Variants in CAMK1D observed in about 807,000 individuals in gnomAD.
CAMK1D encodes calcium/calmodulin-dependent protein kinase type 1D.
Under a neutral mutation model 47.7 loss-of-function variants are expected in CAMK1D, and 9 were observed. That is an observed-to-expected ratio of 0.19 (90% CI 0.11 to 0.33). CAMK1D has a LOEUF of 0.33. Among genes scored for constraint, CAMK1D ranks in the 10% least tolerant of loss-of-function variants. The probability of loss-of-function intolerance (pLI) is 1.00; values close to 1 mark genes in which losing one functional copy is unlikely to be tolerated. For missense variants in CAMK1D, 291 were observed against 488.7 expected, an observed-to-expected ratio of 0.60 and a Z score of 3.81; for synonymous variants, 184 against 184.9, an observed-to-expected ratio of 0.99 and a Z score of 0.04.
At chr10:12,642,182 G>T (rs1322428199) in intron 2 of CAMK1D, among the ~76,000 whole-genome samples, 1 of 152,194 alleles carries the variant, frequency 6.6e-6, no homozygotes, top group Non-Finnish European at 1.5e-5. Flanking sequence ...GTGAAATCGG[G>T]CTGCGTGATG....
chr10:12,731,523 C>G (rs530726218), intron 3 of CAMK1D, among the ~76,000 whole-genome samples: 1 of 152,172 alleles, frequency 6.6e-6, no homozygotes, highest in South Asian at 2.1e-4. Context: ...ATGTTTCCAC[C>G]TCATGTTCAG....
chr10:12,584,142 AAAG>A (rs1837745217), intron 2 of CAMK1D, among the ~76,000 whole-genome samples: 1 of 152,180 alleles, frequency 6.6e-6, no homozygotes. Context: ...GCAGATTCTT[AAAG>A]TGATGCCTGA....
At chr10:12,471,867 A>C (rs1588523763) in intron 1 of CAMK1D, among the ~76,000 whole-genome samples, 2 of 151,686 alleles carry the variant, frequency 1.3e-5, no homozygotes, top group Admixed American at 6.6e-5. Flanking sequence ...CTCTCTCTCT[A>C]CAAAAAAATA....
intron 3 of CAMK1D, among the ~76,000 whole-genome samples, chr10:12,751,764 G>C (rs1245446293): frequency 2.0e-5 from 3 of 152,194 alleles, no homozygotes; most frequent in African/African-American, 7.2e-5. Context: ...GGGCTCTGCA[G>C]GTCCCAGCCT....
chr10:12,668,853 G>C (rs1422174921), intron 3 of CAMK1D, among the ~76,000 whole-genome samples: 1 of 152,024 alleles, frequency 6.6e-6, no homozygotes, highest in African/African-American at 2.4e-5. Context: ...TGAGGACACT[G>C]CTATCCCTGC....
At chr10:12,602,781 C>T (rs182458820) in intron 2 of CAMK1D, among the ~76,000 whole-genome samples, 3 of 152,182 alleles carry the variant, frequency 2.0e-5, no homozygotes, top group East Asian at 3.9e-4. Context: ...TCTGCCTACA[C>T]ACTCCGCCTC....
At chr10:12,445,599 A>G (rs1003188681) in intron 1 of CAMK1D, among the ~76,000 whole-genome samples, 1 of 152,174 alleles carries the variant, frequency 6.6e-6, no homozygotes, top group African/African-American at 2.4e-5. Context: ...TTTAGACTGG[A>G]AACTTTCCCA....
intron 3 of CAMK1D, among the ~76,000 whole-genome samples, chr10:12,692,292 A>T (rs967922691): frequency 1.3e-5 from 2 of 152,206 alleles, no homozygotes; most frequent in Non-Finnish European, 2.9e-5. Context: ...CAAAGGAAAG[A>T]GTTCAGAAAT....
chr10:12,446,790 C>T (rs1202832859), intron 1 of CAMK1D, among the ~76,000 whole-genome samples: 1 of 152,180 alleles, frequency 6.6e-6, no homozygotes, highest in Admixed American at 6.5e-5. Context: ...ACTCTTTGTC[C>T]TTGTTGTTCT....
intron 3 of CAMK1D, among the ~76,000 whole-genome samples, chr10:12,734,050 G>A (rs943357381): frequency 2.6e-5 from 4 of 151,714 alleles, no homozygotes; most frequent in Admixed American, 6.6e-5. Context: ...GACACAGGCC[G>A]GGTGCCGTGG....
At chr10:12,471,877 A>G (rs1833756878) in intron 1 of CAMK1D, among the ~76,000 whole-genome samples, 1 of 151,950 alleles carries the variant, frequency 6.6e-6, no homozygotes. Flanking sequence ...ACAAAAAAAT[A>G]CAAAAAAATT....
intron 4 of CAMK1D, among the ~76,000 whole-genome samples, chr10:12,762,633 A>T (rs1294102776): frequency 6.6e-6 from 1 of 152,156 alleles, no homozygotes; most frequent in Non-Finnish European, 1.5e-5. Context: ...CGTGATGAGG[A>T]TGCTGGTCTG....
rs369585074 is a variant in CAMK1D at position 12,809,795 on chromosome 10, G to GT, written c.642-4397dup. Among the ~76,000 whole-genome samples the GT allele has an allele frequency of 2.3e-3, 349 of 152,254 alleles. 1 individual carries two copies. The highest frequency in any genetic ancestry group is 8.0e-3 in the African/African-American group (332 of 41,540). ...AGTTTCAGTGAAGCAAGATAAATGT[G>GT]TTTGAGAGACCTCCCGTGCTACATT... On this transcript the variant is annotated intron_variant, in intron 6 of 10. Coordinates refer to ENST00000619168, the MANE Select transcript of CAMK1D (RefSeq NM_153498.4).
chr10:12,362,395 C>T (rs1201305457), intron 1 of CAMK1D, among the ~76,000 whole-genome samples: 3 of 151,930 alleles, frequency 2.0e-5, no homozygotes, highest in Non-Finnish European at 4.4e-5. Context: ...ATCAACCTGC[C>T]GCGGATAACA....
chr10:12,610,823 CTTA>C, intron 2 of CAMK1D, among the ~76,000 whole-genome samples: 1 of 152,292 alleles, frequency 6.6e-6, no homozygotes, highest in South Asian at 2.1e-4. Flanking sequence ...CTTTCCCTGT[CTTA>C]TTGTTGGTGA....
chr10:12,635,577 TG>T (rs936400909), intron 2 of CAMK1D, among the ~76,000 whole-genome samples: 3 of 152,152 alleles, frequency 2.0e-5, no homozygotes, highest in African/African-American at 4.8e-5. Context: ...GCCATCTTGC[TG>T]GGGGGGAAGA....
At chr10:12,736,223 C>A (rs1835179767) in intron 3 of CAMK1D, among the ~76,000 whole-genome samples, 1 of 152,218 alleles carries the variant, frequency 6.6e-6, no homozygotes, top group Non-Finnish European at 1.5e-5. Context: ...TCTTGCCTCC[C>A]CTCAACTTCT....
At chr10:12,742,119 T>C (rs531180941) in intron 3 of CAMK1D, among the ~76,000 whole-genome samples, 2 of 152,308 alleles carry the variant, frequency 1.3e-5, no homozygotes, top group South Asian at 4.1e-4. Context: ...TTTGTTTTTG[T>C]GTTTTAACAC....
At chr10:12,711,763 C>T (rs1833945796) in intron 3 of CAMK1D, among the ~76,000 whole-genome samples, 1 of 152,352 alleles carries the variant, frequency 6.6e-6, no homozygotes, top group East Asian at 1.9e-4. Context: ...TCTACTCTGT[C>T]TACACCCTGT....
Sources: allele counts gnomAD v4.1 joint callset (sites outside exome capture counted in the v4.1 genomes callset), GRCh38; gene constraint gnomAD v4.1.1; transcripts MANE v1.5; gene names NCBI Gene and HGNC (gene_info 2026-07-23, HGNC 2026-07-21).